The following EML6 variants were observed in gnomAD, a reference collection of about 807,000 sequenced individuals.
EML6 encodes the protein echinoderm microtubule-associated protein-like 6.
EML6 carries 154 observed loss-of-function variants against 240.1 expected under a neutral mutation model. The ratio of observed to expected loss-of-function variants is 0.64; its 90% CI spans 0.56 to 0.73. EML6 has a LOEUF of 0.73. Among genes scored for constraint, EML6 ranks in the 30% least tolerant of loss-of-function variants. The probability of loss-of-function intolerance (pLI) is 0.00; values close to 1 mark genes in which losing one functional copy is unlikely to be tolerated. For missense variants in EML6, 2,964 were observed against 2,474.6 expected, an observed-to-expected ratio of 1.20 and a Z score of -4.20; for synonymous variants, 1,148 against 899.0, an observed-to-expected ratio of 1.28 and a Z score of -4.95.
chr2:54,851,163 C>T (rs1335342810), intron 10 of EML6, among the ~76,000 whole-genome samples: 1 of 152,140 alleles, frequency 6.6e-6, no homozygotes, highest in Non-Finnish European at 1.5e-5. Context: ...AATCCTAGCA[C>T]TTTTGGAGAC....
intron 35 of EML6, among the ~76,000 whole-genome samples, chr2:54,961,568 C>T (rs1375228912): frequency 6.6e-6 from 1 of 152,002 alleles, no homozygotes; most frequent in East Asian, 1.9e-4. Flanking sequence ...GGCTGCTTTG[C>T]TCTGCAGTCA....
intron 2 of EML6, among the ~76,000 whole-genome samples, chr2:54,763,213 T>C (rs1213409925): frequency 6.6e-6 from 1 of 152,240 alleles, no homozygotes; most frequent in Non-Finnish European, 1.5e-5. Context: ...TCAAGATTTA[T>C]TTGCAGTTCT....
intron 2 of EML6, among the ~76,000 whole-genome samples, chr2:54,795,824 G>T (rs756071549): frequency 6.6e-6 from 1 of 152,166 alleles, no homozygotes; most frequent in Non-Finnish European, 1.5e-5. Context: ...GAATGCAGAG[G>T]CATAGATTAG....
intron 10 of EML6, 78 bp downstream of exon 10, chr2:54,850,296 A>G (rs1248090842): frequency 6.8e-6 from 9 of 1,314,336 alleles, no homozygotes; most frequent in Non-Finnish European, 8.3e-6. Context: ...GACAAGTGTC[A>G]TGGCTCTTTT....
chr2:54,887,760 A>C lies in EML6; in HGVS notation c.2439-3294A>C, dbSNP rs1305724885. Among the ~76,000 whole-genome samples the C allele has an allele frequency of 3.9e-5, 6 of 152,100 alleles. No individual in the cohort carries two copies. In the East Asian group the frequency reaches 9.6e-4, roughly 24 times the overall value. ...TTTTTTCCCTTTTTAAATAGATTTT[A>C]TATTTTAGAGTGGTTTTAGATTGAC... is the stretch of plus-strand genomic sequence containing the variant. On this transcript the variant is annotated intron_variant, in intron 17 of 41. Coordinates refer to ENST00000356458, the MANE Select transcript of EML6 (RefSeq NM_001039753.4).
intron 26 of EML6, among the ~76,000 whole-genome samples, chr2:54,925,420 T>C (rs1392686829): frequency 6.6e-6 from 1 of 152,242 alleles, no homozygotes. Flanking sequence ...CATTGAGTTC[T>C]ATGTCATCAG....
intron 2 of EML6, among the ~76,000 whole-genome samples, chr2:54,775,180 T>C (rs964757526): frequency 2.0e-5 from 3 of 152,174 alleles, no homozygotes; most frequent in Admixed American, 1.3e-4. Flanking sequence ...AATTTTTAAA[T>C]CAATCTTACC....
chr2:54,813,539 C>T, intron 3 of EML6, 148 bp downstream of exon 3: 3 of 723,398 alleles, frequency 4.1e-6, no homozygotes, highest in Non-Finnish European at 6.8e-6. Context: ...GTTTTTTCCC[C>T]TTTAAAGCTA....
At chr2:54,816,921 G>C (rs765100524) in intron 4 of EML6, 36 bp downstream of exon 4, 18 of 1,316,644 alleles carry the variant, frequency 1.4e-5, no homozygotes, top group Non-Finnish European at 1.9e-5. Flanking sequence ...GCAGATTTCA[G>C]AACTTGGGGG....
At position 54,725,921 on chromosome 2, in the gene EML6, A is replaced by G. The variant is rs1682888520; in HGVS notation, c.197+663A>G. ...TACCAGCCAGCCCACACAATGACCA[A>G]CATCTGCTAGCGGATGGCCCAAGAC... On this transcript the variant is annotated intron_variant, in intron 2 of 41. Transcript: ENST00000356458. The surrounding 1 kb of genome is among the most constrained non-coding windows in gnomAD (Gnocchi z 4.3). Among the ~76,000 whole-genome samples the G allele has an allele frequency of 6.6e-6, 1 of 152,232 alleles. No individual in the cohort carries two copies. Among genetic ancestry groups the G allele is most frequent in the Non-Finnish European group, 1.5e-5 (1 of 68,038 alleles).
At chr2:54,870,314 G>C (rs1194681257) in intron 15 of EML6, among the ~76,000 whole-genome samples, 1 of 149,900 alleles carries the variant, frequency 6.7e-6, no homozygotes, top group African/African-American at 2.4e-5. Context: ...AGGATCCATA[G>C]CTTTTAAATT....
At chr2:54,832,680 G>A (rs1461052321) in intron 7 of EML6, among the ~76,000 whole-genome samples, 1 of 152,112 alleles carries the variant, frequency 6.6e-6, no homozygotes, top group African/African-American at 2.4e-5. Flanking sequence ...AAGGAAAGAG[G>A]GTGGGAAAAG....
At chr2:54,850,387 C>T (rs891322686) in intron 10 of EML6, 169 bp downstream of exon 10, 14 of 599,416 alleles carry the variant, frequency 2.3e-5, no homozygotes, top group Non-Finnish European at 3.5e-5. Flanking sequence ...GTCGCAAGAT[C>T]CTAAATAACA....
chr2:54,956,642 C>T (rs1182162338), intron 32 of EML6, among the ~76,000 whole-genome samples: 1 of 151,940 alleles, frequency 6.6e-6, no homozygotes, highest in Non-Finnish European at 1.5e-5. Flanking sequence ...GTCCCCCTAG[C>T]CTCGCCTGGA....
chr2:54,792,191 C>T (rs1398545769), intron 2 of EML6, among the ~76,000 whole-genome samples: 2 of 152,138 alleles, frequency 1.3e-5, no homozygotes, highest in Admixed American at 6.6e-5. Flanking sequence ...ACCCTTTTGA[C>T]ATGTAATATT....
At chr2:54,968,898 A>G in intron 41 of EML6, 130 bp downstream of exon 41, 1 of 596,120 alleles carries the variant, frequency 1.7e-6, no homozygotes, top group Non-Finnish European at 3.0e-6. Flanking sequence ...TAAACAGGAA[A>G]TTCCATGAGT....
chr2:54,818,746 C>G (rs1326421123), intron 4 of EML6, among the ~76,000 whole-genome samples: 1 of 152,154 alleles, frequency 6.6e-6, no homozygotes, highest in Admixed American at 6.5e-5. Flanking sequence ...TATAATAGGA[C>G]TATAGTGATG....
chr2:54,865,617 C>T (rs376882026), intron 13 of EML6, among the ~76,000 whole-genome samples: 5 of 152,168 alleles, frequency 3.3e-5, no homozygotes, highest in South Asian at 2.1e-4. Flanking sequence ...TGCATTGGAG[C>T]ATTTTGTGTT....
At chr2:54,875,439 C>G (rs1272817664) in intron 16 of EML6, among the ~76,000 whole-genome samples, 1 of 152,216 alleles carries the variant, frequency 6.6e-6, no homozygotes, top group Admixed American at 6.5e-5. Context: ...ACTCCTGTCG[C>G]TGCCCATCTC....
Sources: allele counts gnomAD v4.1 joint callset (sites outside exome capture counted in the v4.1 genomes callset), GRCh38; gene constraint gnomAD v4.1.1; non-coding constraint Gnocchi (gnomAD v3.1); transcripts MANE v1.5; gene names NCBI Gene and HGNC (gene_info 2026-07-23, HGNC 2026-07-21).